Variants in GREB1L observed in about 807,000 individuals in gnomAD.
GREB1L encodes GREB1 like retinoic acid receptor coactivator.
A neutral mutation model predicts 200.8 loss-of-function variants in GREB1L; 17 were observed. The observed-to-expected ratio is 0.08, with a 90% CI of 0.06 to 0.13. The LOEUF (loss-of-function observed/expected upper bound fraction) is 0.13. Among genes scored for constraint, GREB1L ranks in the 10% least tolerant of loss-of-function variants. The pLI, the probability that GREB1L is intolerant of heterozygous loss-of-function variation, is 1.00. For synonymous variants in GREB1L, 789 were observed against 893.0 expected, an observed-to-expected ratio of 0.88 and a Z score of 2.08; for missense variants, 1,657 against 2,367.7, an observed-to-expected ratio of 0.70 and a Z score of 6.23.
At chr18:21,410,149 A>G (rs1423984273) in intron 7 of GREB1L, among the ~76,000 whole-genome samples, 1 of 152,090 alleles carries the variant, frequency 6.6e-6, no homozygotes, top group Non-Finnish European at 1.5e-5. Flanking sequence ...CACATGTTTT[A>G]TCCCTTAGCT....
chr18:21,508,486 C>T lies in GREB1L; in HGVS notation c.4630C>T (p.Leu1544Phe), dbSNP rs2037106148. ...CCACGCCATGGAGGGCATCAGCCAC[C>T]TTCACCTCCTGGTGGTCAAAGAGTA... Reference protein sequence around the residue: ...LFHAMEGISHLHLLVVKEYEM... With the variant: ...LFHAMEGISHFHLLVVKEYEM... The change falls in exon 27 of 33, where the codon CTT (leucine) becomes TTT (phenylalanine). Residue 1544 changes from leucine to phenylalanine, a missense_variant. Coordinates refer to ENST00000424526, the MANE Select transcript of GREB1L (RefSeq NM_001142966.3). The T allele has an allele frequency of 2.6e-6, 4 of 1,551,604 alleles. No individual in the cohort carries two copies. In the African/African-American group the frequency reaches 4.1e-5, roughly 16 times the overall value.
intron 1 of GREB1L, among the ~76,000 whole-genome samples, chr18:21,261,730 G>C (rs1294489399): frequency 6.6e-6 from 1 of 151,994 alleles, no homozygotes; most frequent in East Asian, 1.9e-4. Flanking sequence ...ATTTACTAAA[G>C]GAATTGCTAT....
chr18:21,362,697 G>A (rs1054882738), intron 1 of GREB1L, among the ~76,000 whole-genome samples: 17 of 152,124 alleles, frequency 1.1e-4, no homozygotes, highest in Non-Finnish European at 2.2e-4. Context: ...TTGACCTCCA[G>A]GTTAGTTTTT....
chr18:21,443,009 A>C (rs1172961418), intron 10 of GREB1L, among the ~76,000 whole-genome samples: 1 of 152,012 alleles, frequency 6.6e-6, no homozygotes, highest in Non-Finnish European at 1.5e-5. Flanking sequence ...TCCTGGGTTC[A>C]AGTGATTCTT....
At chr18:21,407,396 C>G (rs2030389982) in intron 7 of GREB1L, among the ~76,000 whole-genome samples, 1 of 152,054 alleles carries the variant, frequency 6.6e-6, no homozygotes, top group African/African-American at 2.4e-5. Context: ...TTTCTAAAGC[C>G]TTTATTGTTT....
chr18:21,290,461 G>A (rs1254258292), intron 1 of GREB1L, among the ~76,000 whole-genome samples: 1 of 151,998 alleles, frequency 6.6e-6, no homozygotes, highest in Non-Finnish European at 1.5e-5. Context: ...TAACTACTGG[G>A]CAGATGGTTC....
intron 18 of GREB1L, among the ~76,000 whole-genome samples, chr18:21,488,383 G>A (rs987908938): frequency 2.6e-5 from 4 of 152,160 alleles, no homozygotes; most frequent in Admixed American, 2.6e-4. Flanking sequence ...GTGTTCATGT[G>A]TTATTCATTT....
In GREB1L at chr18:21,499,950, T is replaced by A; in HGVS notation, c.3613T>A (p.Ser1205Thr). 1 of 1,550,578 alleles carries A rather than the reference T, an allele frequency of 6.4e-7. No homozygotes were observed. The highest frequency in any genetic ancestry group is 8.7e-7 in the Non-Finnish European group (1 of 1,146,436). Residue 1205 changes from serine to threonine, a missense_variant, in exon 22 of 33, where the codon TCC becomes ACC. By Grantham distance (58) the Ser-to-Thr change is moderately conservative (BLOSUM62 1). Around this residue, in one of 9 missense-constraint regions of GREB1L, gnomAD observed 512 missense variants for 668.3 expected, o/e 0.77. Transcript: ENST00000424526. ...CACCACCTCCAAGCCGTCATCATCA[T>A]CCTCAGGACCCAGGACCCTCCCATG... Reference protein sequence around the residue: ...SSTTSKPSSSSSGPRTLPWPG... With the variant: ...SSTTSKPSSSTSGPRTLPWPG...
chr18:21,363,073 T>C (rs569831130), intron 1 of GREB1L, among the ~76,000 whole-genome samples: 3 of 152,354 alleles, frequency 2.0e-5, no homozygotes, highest in Non-Finnish European at 4.4e-5. Context: ...TAATTTCTAA[T>C]GTGTTTTTAA....
chr18:21,269,347 T>C (rs1425493339), intron 1 of GREB1L, among the ~76,000 whole-genome samples: 1 of 152,156 alleles, frequency 6.6e-6, no homozygotes, highest in Non-Finnish European at 1.5e-5. Flanking sequence ...TTTACAATAT[T>C]TAGGAATGGC....
chr18:21,295,967 C>G (rs972265690), intron 1 of GREB1L, among the ~76,000 whole-genome samples: 1 of 152,206 alleles, frequency 6.6e-6, no homozygotes, highest in Non-Finnish European at 1.5e-5. Context: ...AACACTTACA[C>G]ACTGTTAGTG....
chr18:21,365,376 G>A (rs2039654341), intron 1 of GREB1L, among the ~76,000 whole-genome samples: 1 of 152,122 alleles, frequency 6.6e-6, no homozygotes, highest in African/African-American at 2.4e-5. Flanking sequence ...ATTTTCCCAT[G>A]CAGTAGTTTA....
intron 7 of GREB1L, among the ~76,000 whole-genome samples, chr18:21,424,315 C>G (rs936804294): frequency 2.0e-5 from 3 of 152,182 alleles, no homozygotes; most frequent in Non-Finnish European, 4.4e-5. Flanking sequence ...AGCCTGTAAT[C>G]CTAGCACTTT....
intron 6 of GREB1L, 40 bp from the exon 7 acceptor site, chr18:21,403,832 A>G: frequency 1.3e-6 from 2 of 1,533,656 alleles, no homozygotes; most frequent in Non-Finnish European, 1.8e-6. Context: ...TTAACAGAAC[A>G]TTGGTCACTT....
At chr18:21,338,824 T>G (rs772226267) in intron 1 of GREB1L, among the ~76,000 whole-genome samples, 1 of 152,244 alleles carries the variant, frequency 6.6e-6, no homozygotes, top group African/African-American at 2.4e-5. Flanking sequence ...GATAACAGAA[T>G]GAAAGGTTAT....
chr18:21,481,618 C>G (rs537562172), intron 17 of GREB1L, among the ~76,000 whole-genome samples: 2 of 151,848 alleles, frequency 1.3e-5, no homozygotes, highest in Non-Finnish European at 2.9e-5. Context: ...CAGAATATTA[C>G]CACCACCCGA....
chr18:21,340,584 C>G (rs1037589153), intron 1 of GREB1L, among the ~76,000 whole-genome samples: 8 of 150,900 alleles, frequency 5.3e-5, no homozygotes, highest in African/African-American at 1.9e-4. Context: ...GCTCTGTCGC[C>G]CAGGCTGGAG....
At chr18:21,287,005 C>T (rs756217922) in intron 1 of GREB1L, among the ~76,000 whole-genome samples, 2 of 152,092 alleles carry the variant, frequency 1.3e-5, no homozygotes, top group Non-Finnish European at 2.9e-5. Flanking sequence ...GTAGCTTCTC[C>T]GAACTACATG....
intron 1 of GREB1L, among the ~76,000 whole-genome samples, chr18:21,280,633 G>A (rs187558716): frequency 6.6e-6 from 1 of 152,050 alleles, no homozygotes; most frequent in Non-Finnish European, 1.5e-5. Context: ...CATCTCGAAT[G>A]TATTAATGAA....
Sources: gnomAD v4.1 joint callset for allele counts (sites outside exome capture counted in the v4.1 genomes callset) on GRCh38, gnomAD v4.1.1 for gene constraint, gnomAD v4.1.1 regional missense constraint, MANE v1.5 for transcripts, NCBI Gene and HGNC (gene_info 2026-07-23, HGNC 2026-07-21) for gene names.